MYT1L: variants seen among roughly 807,000 people sequenced by gnomAD.
MYT1L encodes myelin transcription factor 1 like.
A neutral mutation model predicts 126.7 loss-of-function variants in MYT1L; 12 were observed. The observed-to-expected ratio is 0.09, with a 90% CI of 0.06 to 0.15. The LOEUF is 0.15. Among genes scored for constraint, MYT1L ranks in the 10% least tolerant of loss-of-function variants. The pLI, the probability that MYT1L is intolerant of heterozygous loss-of-function variation, is 1.00. For synonymous variants in MYT1L, 541 were observed against 604.2 expected, an observed-to-expected ratio of 0.90 and a Z score of 1.53; for missense variants, 979 against 1,585.2, an observed-to-expected ratio of 0.62 and a Z score of 6.49.
rs187496522 is a variant in MYT1L at position 1,972,758 on chromosome 2, G to A, written c.152+6407C>T. On this transcript the variant is annotated intron_variant, in intron 8 of 24. Coordinates refer to ENST00000647738, the MANE Select transcript of MYT1L (RefSeq NM_001303052.2). ...GCACCCACACTGGCAGGCAAGAGGC[G>A]TGCGGAATGGAGAGGGGGTCTGAGT... Among the ~76,000 whole-genome samples the A allele has an allele frequency of 1.1e-3, 167 of 152,354 alleles. 1 individual carries two copies. Among genetic ancestry groups the A allele is most frequent in the African/African-American group, 3.9e-3 (163 of 41,580 alleles).
At chr2:2,033,912 A>G (rs572759223) in intron 4 of MYT1L, among the ~76,000 whole-genome samples, 36 of 152,238 alleles carry the variant, frequency 2.4e-4, no homozygotes, top group African/African-American at 8.4e-4. Flanking sequence ...TTCACTCTAG[A>G]GTCAAGTCAT....
chr2:1,901,948 C>A (rs1456425309), intron 14 of MYT1L, among the ~76,000 whole-genome samples: 1 of 152,260 alleles, frequency 6.6e-6, no homozygotes, highest in Non-Finnish European at 1.5e-5. Flanking sequence ...GCATGAACCA[C>A]TGCAGCCAGC....
In MYT1L at chr2:2,192,326, C is replaced by T. The variant is rs113073884; in HGVS notation, c.-420-19338G>A. On this transcript the variant is annotated intron_variant, in intron 2 of 24. Coordinates refer to ENST00000647738, the MANE Select transcript of MYT1L (RefSeq NM_001303052.2). ...AGTTGTAAGGGACAGTAAGGTAACA[C>T]GTAAAGTTTCTAGGATAATGACTCA... 1.9e-3 allele frequency among the ~76,000 whole-genome samples: 295 copies of T among 152,286 alleles called. 2 individuals carry two copies. The highest frequency in any genetic ancestry group is 6.5e-3 in the African/African-American group (269 of 41,572).
intron 2 of MYT1L, among the ~76,000 whole-genome samples, chr2:2,202,257 G>T (rs192742137): frequency 6.6e-6 from 1 of 152,026 alleles, no homozygotes; most frequent in Admixed American, 6.6e-5. Flanking sequence ...CAGAAGGCAA[G>T]AAATAACTAA....
At chr2:1,850,606 A>G (rs1402845021) in intron 19 of MYT1L, among the ~76,000 whole-genome samples, 1 of 152,112 alleles carries the variant, frequency 6.6e-6, no homozygotes, top group East Asian at 1.9e-4. Context: ...TGGGTCCTTT[A>G]CTAGAATGCA....
intron 2 of MYT1L, among the ~76,000 whole-genome samples, chr2:2,218,955 C>T (rs936198793): frequency 1.7e-4 from 26 of 152,116 alleles, no homozygotes; most frequent in East Asian, 9.6e-4. Context: ...AAAGACAGAG[C>T]CTTTCATTCC....
chr2:2,112,653 A>G (rs2147766878), intron 3 of MYT1L, among the ~76,000 whole-genome samples: 1 of 152,268 alleles, frequency 6.6e-6, no homozygotes, highest in Admixed American at 6.5e-5. Flanking sequence ...ATCAGCACTC[A>G]GGCAACACTG....
intron 1 of MYT1L, among the ~76,000 whole-genome samples, chr2:2,328,881 A>G (rs1208461073): frequency 1.3e-5 from 2 of 152,224 alleles, no homozygotes; most frequent in African/African-American, 4.8e-5. Flanking sequence ...TCAAGTATAG[A>G]TATCTTTGCT....
chr2:1,856,502 G>A (rs2043941643), intron 18 of MYT1L, among the ~76,000 whole-genome samples: 1 of 152,184 alleles, frequency 6.6e-6, no homozygotes, highest in African/African-American at 2.4e-5. Flanking sequence ...GATGCCCTCT[G>A]ATGTGTCCTT....
intron 2 of MYT1L, among the ~76,000 whole-genome samples, chr2:2,211,811 A>AAACAAACAAACAAACAAAC (rs1559351027): frequency 7.4e-5 from 11 of 148,428 alleles, no homozygotes; most frequent in African/African-American, 2.7e-4. Context: ...GTCAAAAAAA[A>AAACAAACAAACAAACAAAC]AAAAAAAAAA....
At chr2:1,947,406 A>G (rs2057333808) in intron 8 of MYT1L, among the ~76,000 whole-genome samples, 1 of 152,216 alleles carries the variant, frequency 6.6e-6, no homozygotes, top group Non-Finnish European at 1.5e-5. Context: ...CACCTGGGAC[A>G]GCTGAGAGTT....
rs1306381534 is a variant in MYT1L at position 2,081,499 on chromosome 2, A to T, written c.-303-27376T>A. Among the ~76,000 whole-genome samples, 3 of 152,340 alleles carry T rather than the reference A, an allele frequency of 2.0e-5. No homozygotes were observed. In the East Asian group the frequency reaches 5.8e-4, roughly 29 times the overall value. On this transcript the variant is annotated intron_variant, in intron 3 of 24. Coordinates refer to ENST00000647738, the MANE Select transcript of MYT1L (RefSeq NM_001303052.2). ...AACTAGAGGGCCAAATGGCTCTCAA[A>T]GTAAATTAATATACTCTATTCTATT...
At chr2:2,003,993 TCTTTCCTGCATG>T (rs1189979471) in intron 4 of MYT1L, among the ~76,000 whole-genome samples, 1 of 136,402 alleles carries the variant, frequency 7.3e-6, no homozygotes, top group African/African-American at 2.6e-5. Context: ...CTGCAAGCGT[TCTTTCCTGCATG>T]CCTTCTTTCC....
At chr2:2,137,089 A>G (rs1355979770) in intron 3 of MYT1L, among the ~76,000 whole-genome samples, 3 of 152,182 alleles carry the variant, frequency 2.0e-5, no homozygotes, top group Admixed American at 6.5e-5. Flanking sequence ...CCCATTCACA[A>G]TTGCTTCAAA....
rs552876051 is a variant in MYT1L at position 1,891,982 on chromosome 2, C to T, written c.2283+55G>A. 84 of 1,453,566 alleles carry T rather than the reference C, an allele frequency of 5.8e-5. No individual in the cohort carries two copies. In the African/African-American group the frequency reaches 9.7e-4, roughly 17 times the overall value. The allele number at this position is 1,453,566 out of a possible 1,614,324, so 90.0% of individuals were successfully genotyped here. A position where few individuals can be genotyped will look rare whatever the true frequency, so the allele number is the denominator to read the frequency against. ...CGCCGCGTGTCTCGGTGGCTGGGTCCGCGGCCCGGCCTCCCCCACCCGCCA... is the reference window on the plus strand; with the variant it reads ...CGCCGCGTGTCTCGGTGGCTGGGTCTGCGGCCCGGCCTCCCCCACCCGCCA... On this transcript the variant is annotated intron_variant, in intron 15 of 24. Coordinates refer to ENST00000647738, the MANE Select transcript of MYT1L (RefSeq NM_001303052.2).
At position 2,315,113 on chromosome 2, in the gene MYT1L, G is replaced by C. The variant is rs572748258; in HGVS notation, c.-521+15854C>G. ...AGAGACTCACATGGGGAACTCCAGA[G>C]CACACAGCACTTTTCTGTTAGTGTG... On this transcript the variant is annotated intron_variant, in intron 1 of 24. Coordinates refer to ENST00000647738, the MANE Select transcript of MYT1L (RefSeq NM_001303052.2). Among the ~76,000 whole-genome samples, 3 of 152,298 alleles carry C rather than the reference G, an allele frequency of 2.0e-5. No individual in the cohort carries two copies. In the South Asian group the frequency reaches 6.2e-4, roughly 32 times the overall value.
intron 1 of MYT1L, among the ~76,000 whole-genome samples, chr2:2,298,470 G>A (rs1347523078): frequency 6.6e-6 from 1 of 152,182 alleles, no homozygotes; most frequent in African/African-American, 2.4e-5. Flanking sequence ...TAATCTACCA[G>A]ATGCCATGAA....
intron 8 of MYT1L, among the ~76,000 whole-genome samples, chr2:1,960,266 C>T (rs550136074): frequency 6.6e-6 from 1 of 152,288 alleles, no homozygotes; most frequent in African/African-American, 2.4e-5. Context: ...CACATGGCAA[C>T]TGAAGAATGC....
At chr2:2,092,380 G>A (rs1408663963) in intron 3 of MYT1L, among the ~76,000 whole-genome samples, 1 of 152,196 alleles carries the variant, frequency 6.6e-6, no homozygotes, top group African/African-American at 2.4e-5. Context: ...CATCTCCAAT[G>A]GGTGCTGTTT....
Sources: gnomAD v4.1 joint callset for allele counts (sites outside exome capture counted in the v4.1 genomes callset) on GRCh38, gnomAD v4.1.1 for gene constraint, MANE v1.5 for transcripts, NCBI Gene and HGNC (gene_info 2026-07-23, HGNC 2026-07-21) for gene names.